The following FDFT1 variants were observed in gnomAD, a reference collection of about 807,000 sequenced individuals.
FDFT1 encodes squalene synthase.
Under a neutral mutation model 46.8 loss-of-function variants are expected in FDFT1, and 68 were observed. The observed-to-expected ratio is 1.45, with a 90% CI of 1.19 to 1.78. FDFT1 has a LOEUF of 1.78. FDFT1 is among the 40% of genes most tolerant of loss of function. The pLI is 0.00. For missense variants in FDFT1, 928 were observed against 524.4 expected (o/e 1.77, Z -7.52); for synonymous variants, 351 against 185.1 (o/e 1.90, Z -7.28).
intron 7 of FDFT1, among the ~76,000 whole-genome samples, chr8:11,837,537 A>G (rs1811712727): frequency 6.6e-6 from 1 of 152,164 alleles, no homozygotes; most frequent in Non-Finnish European, 1.5e-5. Context: ...TGGCCCGGCA[A>G]CTGTTACTAG....
At chr8:11,830,976 A>T (rs1298295) in intron 6 of FDFT1, among the ~76,000 whole-genome samples, 37 of 152,136 alleles carry the variant, frequency 2.4e-4, no homozygotes, top group African/African-American at 8.9e-4. Flanking sequence ...TCTAATGACC[A>T]ACTTCGAATG....
intron 1 of FDFT1, 112 bp from the exon 2 acceptor site, chr8:11,808,682 C>A: frequency 6.7e-7 from 1 of 1,497,720 alleles, no homozygotes. Context: ...GGGGAGAGGG[C>A]GGCAGGCTGT....
intron 3 of FDFT1, among the ~76,000 whole-genome samples, chr8:11,820,189 A>T (rs1809025761): frequency 6.6e-6 from 1 of 152,166 alleles, no homozygotes; most frequent in African/African-American, 2.4e-5. Context: ...AACAGCAAAT[A>T]TCGCGGCCTG....
At chr8:11,802,110 A>C, upstream of FDFT1, 2 of 454,708 alleles carry the variant, frequency 4.4e-6, no homozygotes, top group Non-Finnish European at 8.8e-6. Flanking sequence ...TCAAGTAAAC[A>C]CTAGAGAGGG....
At chr8:11,800,260 CAAAAAAAAAAAAAAAAAAAAAAA>C (rs57381182), upstream of FDFT1, among the ~76,000 whole-genome samples, 1 of 57,892 alleles carries the variant, frequency 1.7e-5, no homozygotes, top group Admixed American at 2.8e-4. Flanking sequence ...AATTCTGTCT[CAAAAAAAAAAAAAAAAAAAAAAA>C]AAAAAAAAAG....
At chr8:11,821,452 G>T (rs142750459) in intron 3 of FDFT1, among the ~76,000 whole-genome samples, 1 of 152,148 alleles carries the variant, frequency 6.6e-6, no homozygotes, top group Non-Finnish European at 1.5e-5. Context: ...TTAGCTGGGC[G>T]TGGTGGTGCA....
chr8:11,832,838 C>T (rs1197918799), intron 7 of FDFT1, among the ~76,000 whole-genome samples: 2 of 152,152 alleles, frequency 1.3e-5, no homozygotes, highest in Non-Finnish European at 2.9e-5. Context: ...AGACCCTCAT[C>T]ATTTTTCCTT....
chr8:11,796,574 C>A lies in FDFT1; in HGVS notation c.-94+563C>A, dbSNP rs530200441. Among the ~76,000 whole-genome samples, 3 of 152,100 alleles carry A rather than the reference C, an allele frequency of 2.0e-5. 1 individual carries two copies. The highest frequency in any genetic ancestry group is 3.8e-4 in the East Asian group (2 of 5,200). On this transcript the variant is annotated intron_variant, in intron 1 of 7. Transcript: ENST00000538689. ...GCAGGCAGGGGAGTGGGAAGCTTTA[C>A]GGTGGAAAAGGGGAAGGCTGCAGCA...
At chr8:11,836,858 A>G (rs574182903) in intron 7 of FDFT1, among the ~76,000 whole-genome samples, 63 of 152,370 alleles carry the variant, frequency 4.1e-4, no homozygotes, top group African/African-American at 1.4e-3. Context: ...CAACACTGGT[A>G]AAACCTTGTC....
intron 1 of FDFT1, among the ~76,000 whole-genome samples, chr8:11,805,376 G>A (rs10098874): frequency 0.23 from 34,320 of 152,118 alleles, 5,464 homozygotes; most frequent in African/African-American, 0.45. Flanking sequence ...GGCATATGCC[G>A]CCTGCAAGTT....
rs748993815 is a variant in FDFT1 at position 11,821,928 on chromosome 8, C to G, written c.510+50C>G. On this transcript the variant is annotated intron_variant, in intron 4 of 7. Coordinates refer to ENST00000220584, the MANE Select transcript of FDFT1 (RefSeq NM_004462.5). Reference sequence around the variant, plus strand: ...TGTGTGATGTATTAGACAGAGCTGGCAGTCCTCATAGTGAAGCTCAGAACA... The same window carrying G: ...TGTGTGATGTATTAGACAGAGCTGGGAGTCCTCATAGTGAAGCTCAGAACA... 6 of 1,591,612 alleles carry G rather than the reference C, an allele frequency of 3.8e-6. No individual in the cohort carries two copies. In the Admixed American group the frequency reaches 5.0e-5, roughly 13 times the overall value.
At chr8:11,809,234 A>T in intron 2 of FDFT1, 2 of 1,155,616 alleles carry the variant, frequency 1.7e-6, no homozygotes, top group South Asian at 5.0e-5. Flanking sequence ...TATTGGGTTG[A>T]TTCTTTTGAA....
chr8:11,821,777 G>C lies in FDFT1; in HGVS notation c.409G>C (p.Glu137Gln). Residue 137 changes from glutamate to glutamine, a missense_variant, in exon 4 of 8, where the codon GAG (glutamate) becomes CAG (glutamine). Coordinates refer to ENST00000220584, the MANE Select transcript of FDFT1 (RefSeq NM_004462.5). ...CTCCCTTGAGTTTAGAAATCTGGCTGAGAAATACCAAACAGTGATTGCCGA... is the reference window on the plus strand; with the variant it reads ...CTCCCTTGAGTTTAGAAATCTGGCTCAGAAATACCAAACAGTGATTGCCGA... ...TISLEFRNLAEKYQTVIADIC... is the reference protein window; with the variant it reads ...TISLEFRNLAQKYQTVIADIC... 1.2e-6 allele frequency: 2 copies of C among 1,613,528 alleles called. No individual in the cohort carries two copies. Among genetic ancestry groups the C allele is most frequent in the Non-Finnish European group, 1.7e-6 (2 of 1,179,604 alleles).
At chr8:11,808,537 G>T in intron 1 of FDFT1, 2 of 1,339,542 alleles carry the variant, frequency 1.5e-6, no homozygotes, top group East Asian at 3.0e-5. Context: ...GCCGCCTGCG[G>T]CACCAAGGCC....
At chr8:11,825,501 G>T (rs2686203) in intron 4 of FDFT1, among the ~76,000 whole-genome samples, 1 of 149,506 alleles carries the variant, frequency 6.7e-6, no homozygotes, top group East Asian at 2.0e-4. Flanking sequence ...GATTGTGCCA[G>T]TGCACTCCAG....
chr8:11,801,751 C>T (rs1806139413), upstream of FDFT1: 3 of 348,124 alleles, frequency 8.6e-6, no homozygotes, highest in Admixed American at 3.9e-5. Context: ...TGGAGTGCAG[C>T]GGTGTCATCT....
chr8:11,828,572 G>C (rs556594627), intron 5 of FDFT1, among the ~76,000 whole-genome samples: 1 of 152,362 alleles, frequency 6.6e-6, no homozygotes, highest in African/African-American at 2.4e-5. Flanking sequence ...CCACGGGCAT[G>C]TGATGCATGA....
At chr8:11,823,724 C>G (rs1374738531) in intron 4 of FDFT1, among the ~76,000 whole-genome samples, 1 of 151,978 alleles carries the variant, frequency 6.6e-6, no homozygotes, top group Non-Finnish European at 1.5e-5. Context: ...CACGTTGCCA[C>G]CATGCCTGGC....
intron 1 of FDFT1, among the ~76,000 whole-genome samples, chr8:11,806,170 C>G (rs891483587): frequency 1.3e-5 from 2 of 152,108 alleles, no homozygotes; most frequent in Non-Finnish European, 2.9e-5. Flanking sequence ...GTCTTCCTGA[C>G]CACCCCCACA....
Sources: gnomAD v4.1 joint callset for allele counts (sites outside exome capture counted in the v4.1 genomes callset) on GRCh38, gnomAD v4.1.1 for gene constraint, MANE v1.5 for transcripts, NCBI Gene and HGNC (gene_info 2026-07-23, HGNC 2026-07-21) for gene names.